The following ANKRD26 variants were observed in gnomAD, a reference collection of about 807,000 sequenced individuals.
The protein encoded by ANKRD26 is ankyrin repeat domain 26.
Under a neutral mutation model 208.7 loss-of-function variants are expected in ANKRD26, and 141 were observed. That is an observed-to-expected ratio of 0.68 (90% CI 0.59 to 0.78). The LOEUF (loss-of-function observed/expected upper bound fraction) is 0.78. Among genes scored for constraint, ANKRD26 ranks in the 30% least tolerant of loss-of-function variants. The pLI is 0.00. For missense variants in ANKRD26, 1,889 were observed against 1,938.7 expected (o/e 0.97, Z 0.48); for synonymous variants, 636 against 660.4 (o/e 0.96, Z 0.57).
chr10:26,954,440 AGTTATT>A, the ANKRD26 span, among the ~76,000 whole-genome samples: 2 of 152,070 alleles, frequency 1.3e-5, no homozygotes, highest in African/African-American at 4.8e-5. Flanking sequence ...TAATATTTTT[AGTTATT>A]GTATTCTTTT....
At chr10:27,042,750 C>G (rs2054293507) in intron 20 of ANKRD26, among the ~76,000 whole-genome samples, 1 of 139,350 alleles carries the variant, frequency 7.2e-6, no homozygotes, top group Non-Finnish European at 1.5e-5. Flanking sequence ...GAGACTCCAT[C>G]TCAAAAAACA....
Position 27,053,352 on chromosome 10 carries a change from C to G in ANKRD26, c.1603G>C (p.Glu535Gln). 3 of 1,610,830 alleles carry G rather than the reference C, an allele frequency of 1.9e-6. No homozygotes were observed. The highest frequency in any genetic ancestry group is 1.1e-5 in the South Asian group (1 of 90,638). Residue 535 changes from glutamate to glutamine, a missense_variant, in exon 16 of 34, where the codon GAA (glutamate) becomes CAA (glutamine). Glu to Gln is a conservative substitution (Grantham distance 29). Around this residue, in one of 3 missense-constraint regions of ANKRD26, gnomAD observed 1,272 missense variants for 1,273.8 expected, o/e 1.00. Coordinates refer to ENST00000376087, the MANE Select transcript of ANKRD26 (RefSeq NM_014915.3). ...TGGTTATTTTCACTCCCTTCCCTTT[C>G]TTGCTCTTCTTCTGATGCTACTTCT... is the stretch of plus-strand genomic sequence containing the variant. Reference protein sequence around the residue: ...DLEVASEEEQEREGSENNQPQ... With the variant: ...DLEVASEEEQQREGSENNQPQ...
chr10:27,032,174 A>T (rs891395287), intron 25 of ANKRD26, among the ~76,000 whole-genome samples: 4 of 152,198 alleles, frequency 2.6e-5, no homozygotes, highest in Admixed American at 2.0e-4. Flanking sequence ...AAAAATGTGC[A>T]ATTATAAGAA....
At chr10:26,976,724 T>TC (rs757371917) in intron 5 of ANKRD26, among the ~76,000 whole-genome samples, 2 of 152,292 alleles carry the variant, frequency 1.3e-5, no homozygotes, top group East Asian at 3.9e-4. Context: ...TCACACAAGC[T>TC]CACTGCGTGT....
rs117837092 is a variant in ANKRD26 at position 27,077,065 on chromosome 10, A to G, written c.1077+273T>C. 0.013 allele frequency: 5,695 copies of G among 447,058 alleles called. 73 individuals are homozygous for G. The highest frequency in any genetic ancestry group is 0.036 in the South Asian group (1,355 of 37,578). 27.7% of individuals were successfully genotyped at this position (447,058 alleles called of 1,614,324 possible). A position where few individuals can be genotyped will look rare whatever the true frequency, so the allele number is the denominator to read the frequency against. On this transcript the variant is annotated intron_variant, in intron 9 of 33. Transcript: ENST00000376087. ...AACAAAAAAAGAAAACTGCAGACCA[A>G]TATCTCTGATGAATATAGATACAAA...
At chr10:27,032,528 C>T (rs1202251521) in intron 25 of ANKRD26, among the ~76,000 whole-genome samples, 5 of 151,594 alleles carry the variant, frequency 3.3e-5, no homozygotes, top group Non-Finnish European at 5.9e-5. Context: ...CCCAGCTACT[C>T]GGGAGGCTGA....
At chr10:27,053,502 G>T (rs2054735898) in intron 15 of ANKRD26, 112 bp from the exon 16 acceptor site, 7 of 779,980 alleles carry the variant, frequency 9.0e-6, no homozygotes, top group South Asian at 6.7e-5. Flanking sequence ...AATCGAGAGG[G>T]TTTTCTTCTA....
intron 5 of ANKRD26, among the ~76,000 whole-genome samples, chr10:26,976,675 T>C (rs898135066): frequency 3.3e-5 from 5 of 152,200 alleles, no homozygotes; most frequent in Non-Finnish European, 5.9e-5. Flanking sequence ...TTCAATTTTT[T>C]TTTTATTGAG....
chr10:27,086,426 T>C, intron 5 of ANKRD26, 113 bp downstream of exon 5: 1 of 1,360,290 alleles, frequency 7.4e-7, no homozygotes, highest in Non-Finnish European at 1.0e-6. Context: ...AAAATACACA[T>C]GCACCTTATA....
rs67384671 is a variant in ANKRD26 at position 27,050,219 on chromosome 10, C to CAAA, written c.1636-1243_1636-1241dup. ...TGGGCAATAGAGTAAGAATCTGTCT[C>CAAA]AAAAAAAAAAAAAAAAAAAAAAAAA... is the stretch of plus-strand genomic sequence containing the variant. On this transcript the variant is annotated intron_variant, in intron 16 of 33. Transcript: ENST00000376087. Among the ~76,000 whole-genome samples, 324 of 33,032 alleles carry CAAA rather than the reference C, an allele frequency of 9.8e-3. 13 individuals carry two copies. The highest frequency in any genetic ancestry group is 0.071 in the Middle Eastern group (2 of 28). 21.7% of individuals were successfully genotyped at this position (33,032 alleles called of 152,430 possible).
intron 4 of ANKRD26, among the ~76,000 whole-genome samples, chr10:26,995,834 A>T (rs1466745176): frequency 6.6e-6 from 1 of 152,158 alleles, no homozygotes; most frequent in Non-Finnish European, 1.5e-5. Context: ...TAACCCAAGG[A>T]GAATGTCATC....
At chr10:27,017,832 T>G (rs369980649) in intron 29 of ANKRD26, 40 bp from the exon 30 acceptor site, 9 of 1,573,298 alleles carry the variant, frequency 5.7e-6, no homozygotes, top group Middle Eastern at 3.9e-4. Context: ...ATGAAGGAAG[T>G]AGCCTGAGAA....
At chr10:27,097,044 T>C (rs2056489456) in intron 1 of ANKRD26, among the ~76,000 whole-genome samples, 1 of 151,612 alleles carries the variant, frequency 6.6e-6, no homozygotes, top group African/African-American at 2.4e-5. Context: ...TAGCCAGGCA[T>C]GGTGGCACGT....
intron 6 of ANKRD26, among the ~76,000 whole-genome samples, chr10:27,082,016 G>GCT (rs1409288022): frequency 7.0e-6 from 1 of 142,760 alleles, no homozygotes; most frequent in East Asian, 2.1e-4. Flanking sequence ...GATTACAGTT[G>GCT]TGAGCCACCA....
intron 4 of ANKRD26, among the ~76,000 whole-genome samples, chr10:26,981,600 C>A (rs12416563): frequency 0.021 from 3,269 of 152,294 alleles, 175 homozygotes; most frequent in East Asian, 0.17. Flanking sequence ...TAGAACTCAA[C>A]ATCCACTTGA....
At chr10:26,979,047 C>T in intron 5 of ANKRD26, among the ~76,000 whole-genome samples, 1 of 152,026 alleles carries the variant, frequency 6.6e-6, no homozygotes, top group East Asian at 1.9e-4. Flanking sequence ...ACAGTGAAAC[C>T]CCATCTCTAC....
chr10:26,971,044 T>C (rs960353757), downstream of ANKRD26, among the ~76,000 whole-genome samples: 5 of 152,136 alleles, frequency 3.3e-5, no homozygotes, highest in African/African-American at 1.2e-4. Context: ...AGAAATAGCA[T>C]GTTGAGAAGA....
In ANKRD26 at chr10:27,093,521, G is replaced by C. The variant is rs1383214738; in HGVS notation, c.359C>G (p.Ala120Gly). 1 of 1,613,992 alleles carries C rather than the reference G, an allele frequency of 6.2e-7. No individual in the cohort carries two copies. Among genetic ancestry groups the C allele is most frequent in the Admixed American group, 1.7e-5 (1 of 60,006 alleles). Reference protein sequence around the residue: ...DNENRTALMKAVQCQEEKCAT... With the variant: ...DNENRTALMKGVQCQEEKCAT... ...ACATTTCTCTTCCTGGCATTGTACAGCCTGGGAGTATTAGACCAAGAAACA... is the reference window on the plus strand; with the variant it reads ...ACATTTCTCTTCCTGGCATTGTACACCCTGGGAGTATTAGACCAAGAAACA... The change falls in exon 3 of 34, where the codon GCT becomes GGT. Residue 120 changes from alanine (A) to glycine (G), a missense_variant and splice_region_variant. This residue lies in a region of ANKRD26 where 1,272 missense variants were observed against 1,273.8 expected (regional missense o/e 1.00). Coordinates refer to ENST00000376087, the MANE Select transcript of ANKRD26 (RefSeq NM_014915.3).
At chr10:27,042,994 A>G (rs1359257027) in intron 20 of ANKRD26, among the ~76,000 whole-genome samples, 1 of 151,224 alleles carries the variant, frequency 6.6e-6, no homozygotes, top group Non-Finnish European at 1.5e-5. Context: ...AAATTTCTAG[A>G]AAAAAAGCAT....
Sources: gnomAD v4.1 joint callset for allele counts (sites outside exome capture counted in the v4.1 genomes callset) on GRCh38, gnomAD v4.1.1 for gene constraint, gnomAD v4.1.1 regional missense constraint, MANE v1.5 for transcripts, NCBI Gene and HGNC (gene_info 2026-07-23, HGNC 2026-07-21) for gene names.